CRYBG1: variants seen among roughly 807,000 people sequenced by gnomAD.
CRYBG1 encodes the protein beta/gamma crystallin domain-containing protein 1.
In CRYBG1, 139 loss-of-function variants were observed where a neutral mutation model predicts 189.2. The ratio of observed to expected loss-of-function variants is 0.73; its 90% confidence interval spans 0.64 to 0.85. CRYBG1 has a LOEUF of 0.85. CRYBG1 is among the 40% of genes least tolerant of loss of function. The probability of loss-of-function intolerance (pLI) is 0.00; values close to 1 mark genes in which losing one functional copy is unlikely to be tolerated. For missense variants in CRYBG1, 2,611 were observed against 2,675.8 expected (o/e 0.98, Z 0.53); for synonymous variants, 1,023 against 1,017.1 (o/e 1.01, Z -0.11).
chr6:106,525,123 C>G lies in CRYBG1; in HGVS notation c.4246-10C>G. 1 of 1,613,620 alleles carries G rather than the reference C, an allele frequency of 6.2e-7. No individual in the cohort carries two copies. The highest frequency in any genetic ancestry group is 1.7e-4 in the Middle Eastern group (1 of 6,056). On this transcript the variant is annotated splice_polypyrimidine_tract_variant and intron_variant, in intron 4 of 21. Coordinates refer to ENST00000633556, the MANE Select transcript of CRYBG1 (RefSeq NM_001371242.2). ...AATTATTTGTTGTGTTTTTGTTCAT[C>G]TGATTGCAGACACTTAGAGGAAGTG...
At chr6:106,423,262 T>A (rs1324951730) in intron 1 of CRYBG1, among the ~76,000 whole-genome samples, 1 of 149,600 alleles carries the variant, frequency 6.7e-6, no homozygotes, top group African/African-American at 2.5e-5. Flanking sequence ...TTTTTTTTTT[T>A]TTTTTTTTTT....
chr6:106,552,123 A>C (rs571374637), intron 14 of CRYBG1, 61 bp from the exon 15 acceptor site: 9 of 1,497,474 alleles, frequency 6.0e-6, no homozygotes, highest in African/African-American at 4.2e-5. Flanking sequence ...TAGAAGAAAA[A>C]AACTTTTTCA....
At chr6:106,421,630 T>C (rs1771124750) in intron 1 of CRYBG1, among the ~76,000 whole-genome samples, 1 of 152,130 alleles carries the variant, frequency 6.6e-6, no homozygotes, top group African/African-American at 2.4e-5. Flanking sequence ...TGTGACTCAG[T>C]CTTGTCCTGT....
intron 7 of CRYBG1, 45 bp downstream of exon 7, chr6:106,527,515 A>G (rs1773769549): frequency 1.3e-6 from 2 of 1,563,626 alleles, no homozygotes; most frequent in African/African-American, 1.4e-5. Context: ...GCTAATATTT[A>G]TGGATTCTTA....
In CRYBG1 at chr6:106,560,878, T is replaced by G. The variant is rs1774697098; in HGVS notation, c.5931T>G (p.Tyr1977Ter). 2 of 1,612,928 alleles carry G rather than the reference T, an allele frequency of 1.2e-6. No homozygotes were observed. Among genetic ancestry groups the G allele is most frequent in the Non-Finnish European group, 1.7e-6 (2 of 1,179,588 alleles). The change falls in exon 19 of 22, where the codon TAT (tyrosine) becomes TAG (stop). Residue 1977 changes from tyrosine (Y) to a stop codon, truncating the protein, a stop_gained. Coordinates refer to ENST00000633556, the MANE Select transcript of CRYBG1 (RefSeq NM_001371242.2). LOFTEE classifies it high-confidence loss of function. The stretch of plus-strand genomic sequence containing the variant: ...CACCTGCAGAAGTACCTAATTGGTA[T>G]GAATTCAGTGGCTGTCGCCAAATAG... ...LLSPAEVPNW[Y>*]EFSGCRQIGS...
At chr6:106,538,082 T>C (rs139757026) in intron 8 of CRYBG1, among the ~76,000 whole-genome samples, 2,180 of 152,246 alleles carry the variant, frequency 0.014, 55 homozygotes, top group African/African-American at 0.05. Flanking sequence ...CACAACATGG[T>C]GGAGTACCAC....
chr6:106,398,799 A>C (rs955771450), intron 1 of CRYBG1, among the ~76,000 whole-genome samples: 13 of 152,176 alleles, frequency 8.5e-5, no homozygotes, highest in African/African-American at 2.9e-4. Context: ...CACAACTCCC[A>C]CAATGCTTTC....
chr6:106,403,677 A>C (rs1770766057), intron 1 of CRYBG1, among the ~76,000 whole-genome samples: 1 of 152,188 alleles, frequency 6.6e-6, no homozygotes, highest in South Asian at 2.1e-4. Context: ...ACTAAGCGTG[A>C]TGTGCTCCAT....
At position 106,511,979 on chromosome 6, in the gene CRYBG1, G is replaced by C. The variant is rs1773272927; in HGVS notation, c.862G>C (p.Glu288Gln). 1 of 1,530,060 alleles carries C rather than the reference G, an allele frequency of 6.5e-7. No individual in the cohort carries two copies. The highest frequency in any genetic ancestry group is 2.5e-5 in the East Asian group (1 of 40,778). 94.8% of individuals were successfully genotyped at this position (1,530,060 alleles called of 1,614,324 possible). ...DASPGAGHEQEAFLGVRGAPG... is the reference protein window; with the variant it reads ...DASPGAGHEQQAFLGVRGAPG... ...TTCACCAGGTGCTGGCCACGAACAG[G>C]AGGCTTTCCTGGGTGTGAGGGGTGC... The change falls in exon 3 of 22, where the codon GAG becomes CAG. Residue 288 changes from glutamate to glutamine, a missense_variant. By Grantham distance (29) the Glu-to-Gln change is conservative. Around this residue, in one of 3 missense-constraint regions of CRYBG1, gnomAD observed 985 missense variants for 924.4 expected, o/e 1.07. Transcript: ENST00000633556.
intron 1 of CRYBG1, among the ~76,000 whole-genome samples, chr6:106,374,889 G>A (rs1395792877): frequency 3.3e-5 from 5 of 152,026 alleles, no homozygotes; most frequent in African/African-American, 9.7e-5. Context: ...ATGTACTTAC[G>A]ACATCAGCAA....
At position 106,512,946 on chromosome 6, in the gene CRYBG1, C is replaced by A. The variant is rs150814885; in HGVS notation, c.1829C>A (p.Ala610Glu). The A allele has an allele frequency of 2.5e-6, 4 of 1,610,182 alleles. No homozygotes were observed. Among genetic ancestry groups the A allele is most frequent in the African/African-American group, 2.7e-5 (2 of 74,890 alleles). Reference sequence around the variant, plus strand: ...GGTCGAAGCAGAGAGCTGGGCAGAGCGGCCGGAGCGCCTGGAGCTTCTGAC... The same window carrying A: ...GGTCGAAGCAGAGAGCTGGGCAGAGAGGCCGGAGCGCCTGGAGCTTCTGAC... ...EGGRSRELGR[A>E]AGAPGASDAD... Residue 610 changes from alanine (A) to glutamate (E), a missense_variant, in exon 3 of 22, where the codon GCG becomes GAG. By Grantham distance (107) the Ala-to-Glu change is moderately radical. Transcript: ENST00000633556.
chr6:106,465,728 T>C (rs1772102670), intron 2 of CRYBG1, among the ~76,000 whole-genome samples: 1 of 152,250 alleles, frequency 6.6e-6, no homozygotes, highest in Admixed American at 6.5e-5. Context: ...TGTTGCTTTT[T>C]AAAAGAAACT....
At chr6:106,474,349 T>TATA (rs1383993740) in intron 2 of CRYBG1, among the ~76,000 whole-genome samples, 1 of 152,284 alleles carries the variant, frequency 6.6e-6, no homozygotes, top group Non-Finnish European at 1.5e-5. Context: ...GTCTCTAAAA[T>TATA]ATAATAATAA....
At chr6:106,524,778 T>A (rs1056603291) in intron 4 of CRYBG1, among the ~76,000 whole-genome samples, 2 of 152,218 alleles carry the variant, frequency 1.3e-5, no homozygotes, top group Admixed American at 1.3e-4. Context: ...TTCTAATTTA[T>A]CTTTATTTGA....
At chr6:106,374,487 G>T (rs1283578394) in intron 1 of CRYBG1, among the ~76,000 whole-genome samples, 1 of 152,182 alleles carries the variant, frequency 6.6e-6, no homozygotes, top group African/African-American at 2.4e-5. Context: ...GAGGCCAAAA[G>T]TTCAAGGCTG....
At chr6:106,390,850 C>T (rs1337595001) in intron 1 of CRYBG1, among the ~76,000 whole-genome samples, 2 of 152,114 alleles carry the variant, frequency 1.3e-5, no homozygotes, top group African/African-American at 4.8e-5. Flanking sequence ...TTTTTTACTA[C>T]AGCATTATGA....
intron 2 of CRYBG1, among the ~76,000 whole-genome samples, chr6:106,460,977 G>A (rs1215637203): frequency 6.6e-6 from 1 of 152,132 alleles, no homozygotes; most frequent in Non-Finnish European, 1.5e-5. Context: ...AGTAGAGACA[G>A]GGTTTCACCA....
At chr6:106,565,032 G>GT (rs1774839135) in intron 21 of CRYBG1, among the ~76,000 whole-genome samples, 2 of 152,194 alleles carry the variant, frequency 1.3e-5, no homozygotes, top group Non-Finnish European at 2.9e-5. Context: ...TGATGTAGGG[G>GT]TAAAGAGCCA....
chr6:106,389,499 G>A lies in CRYBG1; in HGVS notation c.173+28418G>A, dbSNP rs1028846201. Among the ~76,000 whole-genome samples the A allele has an allele frequency of 2.6e-5, 4 of 152,156 alleles. No homozygotes were observed. The East Asian group carries it at 7.7e-4, about 29-fold the overall frequency. ...TAGTGTTCCAAAATTTGTCAAAATTGATGTATTCTTTCAAAAATATACTAT... is the reference window on the plus strand; with the variant it reads ...TAGTGTTCCAAAATTTGTCAAAATTAATGTATTCTTTCAAAAATATACTAT... On this transcript the variant is annotated intron_variant, in intron 1 of 21. Transcript: ENST00000633556.
Sources: allele counts gnomAD v4.1 joint callset (sites outside exome capture counted in the v4.1 genomes callset), GRCh38; gene constraint gnomAD v4.1.1; regional missense constraint gnomAD v4.1.1; transcripts MANE v1.5; gene names NCBI Gene and HGNC (gene_info 2026-07-23, HGNC 2026-07-21).